Variants in EEPD1 observed in about 807,000 individuals in gnomAD.
EEPD1 encodes endonuclease/exonuclease/phosphatase family domain containing 1, also known as endonuclease/exonuclease/phosphatase family domain-containing protein 1.
In EEPD1, 17 loss-of-function variants were observed where a neutral mutation model predicts 46.3. The ratio of observed to expected loss-of-function variants is 0.37; its 90% CI spans 0.25 to 0.55. The LOEUF (loss-of-function observed/expected upper bound fraction) is 0.55. Ranked by LOEUF, EEPD1 falls within the 20% of genes least tolerant of loss-of-function variation. The probability of loss-of-function intolerance (pLI) is 0.83; values close to 1 mark genes in which losing one functional copy is unlikely to be tolerated. For missense variants in EEPD1, 673 were observed against 745.6 expected (o/e 0.90, Z 1.13); for synonymous variants, 313 against 315.6 (o/e 0.99, Z 0.09).
chr7:36,294,770 C>T (rs1230570151), intron 6 of EEPD1, among the ~76,000 whole-genome samples: 1 of 152,022 alleles, frequency 6.6e-6, no homozygotes, highest in Non-Finnish European at 1.5e-5. Context: ...ATAAACAAAA[C>T]ACTAATACCC....
At chr7:36,254,113 G>A (rs776082401) in intron 3 of EEPD1, among the ~76,000 whole-genome samples, 1 of 151,960 alleles carries the variant, frequency 6.6e-6, no homozygotes. Context: ...CTTAGTGATT[G>A]AGCTAGGATT....
At chr7:36,176,023 G>T in intron 2 of EEPD1, among the ~76,000 whole-genome samples, 1 of 152,300 alleles carries the variant, frequency 6.6e-6, no homozygotes, top group Middle Eastern at 3.4e-3. Flanking sequence ...TGAGTGAGCC[G>T]TGTGAGTAGA....
At chr7:36,181,923 A>G (rs1057135086) in intron 2 of EEPD1, among the ~76,000 whole-genome samples, 1 of 152,154 alleles carries the variant, frequency 6.6e-6, no homozygotes, top group South Asian at 2.1e-4. Context: ...CTCCAATATC[A>G]CCAGTGAAAA....
chr7:36,278,510 G>T (rs2078296), intron 3 of EEPD1, among the ~76,000 whole-genome samples: 8,321 of 111,828 alleles, frequency 0.074, 260 homozygotes, highest in Middle Eastern at 0.16. Context: ...GGGGGGCGGT[G>T]GGGGGGGCGC....
At chr7:36,243,044 A>C (rs770182535) in intron 3 of EEPD1, among the ~76,000 whole-genome samples, 3 of 152,204 alleles carry the variant, frequency 2.0e-5, no homozygotes, top group African/African-American at 7.2e-5. Flanking sequence ...AAGAAAAGTT[A>C]TTTGTCAAAT....
chr7:36,251,126 T>C (rs1786731110), intron 3 of EEPD1, among the ~76,000 whole-genome samples: 1 of 152,250 alleles, frequency 6.6e-6, no homozygotes, highest in African/African-American at 2.4e-5. Context: ...AAAGGAATTA[T>C]CTGGTTTATA....
intron 2 of EEPD1, among the ~76,000 whole-genome samples, chr7:36,173,336 A>AC (rs1206023180): frequency 1.5e-4 from 23 of 150,290 alleles, no homozygotes; most frequent in Non-Finnish European, 3.1e-4. Context: ...AAAAAAAAAA[A>AC]AAAAAAAAAA....
At chr7:36,298,716 T>A (rs191183452) in intron 7 of EEPD1, among the ~76,000 whole-genome samples, 11 of 152,350 alleles carry the variant, frequency 7.2e-5, no homozygotes, top group Admixed American at 5.9e-4. Flanking sequence ...AGCGCGTTTA[T>A]GAGGACAGGT....
At chr7:36,180,197 C>T (rs71535852) in intron 2 of EEPD1, among the ~76,000 whole-genome samples, 22,126 of 152,132 alleles carry the variant, frequency 0.15, 1,890 homozygotes, top group Non-Finnish European at 0.2. Context: ...TAGCTGATAC[C>T]GGGAGAAAGC....
chr7:36,174,949 G>A (rs971050939), intron 2 of EEPD1, among the ~76,000 whole-genome samples: 2 of 152,250 alleles, frequency 1.3e-5, no homozygotes, highest in African/African-American at 2.4e-5. Flanking sequence ...GGCTCAGAGA[G>A]ACTCCAGCAC....
chr7:36,274,851 C>A (rs11765336), intron 3 of EEPD1, among the ~76,000 whole-genome samples: 436 of 152,138 alleles, frequency 2.9e-3, no homozygotes, highest in Non-Finnish European at 4.5e-3. Context: ...CCTTGCTTAC[C>A]GTTCACATTT....
intron 3 of EEPD1, among the ~76,000 whole-genome samples, chr7:36,252,439 T>C (rs778737040): frequency 6.6e-6 from 1 of 152,218 alleles, no homozygotes; most frequent in Non-Finnish European, 1.5e-5. Flanking sequence ...GCTGGTTTTG[T>C]GAACTTGTCT....
chr7:36,194,330 GA>G (rs1234455505), intron 2 of EEPD1, among the ~76,000 whole-genome samples: 2 of 152,194 alleles, frequency 1.3e-5, no homozygotes, highest in Non-Finnish European at 2.9e-5. Context: ...GTGAATGATT[GA>G]ATTCCAGTTT....
intron 2 of EEPD1, among the ~76,000 whole-genome samples, chr7:36,198,395 TTAA>T (rs1399203088): frequency 9.9e-6 from 1 of 100,526 alleles, no homozygotes; most frequent in Non-Finnish European, 2.2e-5. Context: ...TCAAAACTGG[TTAA>T]TAAAACTTTA....
chr7:36,236,676 C>T lies in EEPD1; in HGVS notation c.879-2309C>T, dbSNP rs534789508. Among the ~76,000 whole-genome samples the T allele has an allele frequency of 9.1e-4, 138 of 152,270 alleles. 1 individual carries two copies. The highest frequency in any genetic ancestry group is 1.4e-3 in the Admixed American group (22 of 15,296). On this transcript the variant is annotated intron_variant, in intron 2 of 7. Coordinates refer to ENST00000242108, the MANE Select transcript of EEPD1 (RefSeq NM_030636.3). ...AAAGGTTTGTAAACGCACCAATCAG[C>T]GCTCTGTGTCTAGCTCATTGGATGG...
intron 2 of EEPD1, among the ~76,000 whole-genome samples, chr7:36,175,302 C>G (rs970089563): frequency 6.6e-6 from 1 of 152,252 alleles, no homozygotes; most frequent in African/African-American, 2.4e-5. Flanking sequence ...GTGATCATAG[C>G]TCACTGCGGC....
chr7:36,293,721 T>G (rs1583482238), intron 6 of EEPD1, among the ~76,000 whole-genome samples: 2 of 152,138 alleles, frequency 1.3e-5, no homozygotes, highest in Admixed American at 6.5e-5. Context: ...CCCAGCACTT[T>G]GGGAGGCCAA....
At chr7:36,267,916 A>G (rs75142158) in intron 3 of EEPD1, among the ~76,000 whole-genome samples, 11 of 152,298 alleles carry the variant, frequency 7.2e-5, no homozygotes, top group African/African-American at 1.9e-4. Context: ...TAGATTATCT[A>G]TTCTCTGCCA....
chr7:36,284,948 T>C lies in EEPD1; in HGVS notation c.1176+128T>C, dbSNP rs533246443. The C allele has an allele frequency of 1.3e-4, 160 of 1,271,268 alleles. No homozygotes were observed. The South Asian group carries it at 1.5e-3, about 12-fold the overall frequency. The allele number at this position is 1,271,268 out of a possible 1,614,324, so 78.7% of individuals were successfully genotyped here. On this transcript the variant is annotated intron_variant, in intron 5 of 7. Transcript: ENST00000242108. ...TTGCCTTGATTTCAGCCTCTCATGA[T>C]TGGAGATTTTTGTCTCTCCTGGGGC... is the stretch of plus-strand genomic sequence containing the variant.
Sources: allele counts gnomAD v4.1 joint callset (sites outside exome capture counted in the v4.1 genomes callset), GRCh38; gene constraint gnomAD v4.1.1; transcripts MANE v1.5; gene names NCBI Gene and HGNC (gene_info 2026-07-23, HGNC 2026-07-21).